Variants in PDE10A observed in about 807,000 individuals in gnomAD.
PDE10A encodes phosphodiesterase 10A.
PDE10A carries 39 observed loss-of-function variants against 97.7 expected under a neutral mutation model. That is an observed-to-expected ratio of 0.40 (90% CI 0.31 to 0.52). PDE10A has a LOEUF of 0.52. PDE10A is among the 20% of genes least tolerant of loss of function. The probability of loss-of-function intolerance (pLI) is 0.56; values close to 1 mark genes in which losing one functional copy is unlikely to be tolerated. For missense variants in PDE10A, 731 were observed against 1,047.8 expected (o/e 0.70, Z 4.17); for synonymous variants, 371 against 376.8 (o/e 0.98, Z 0.18).
chr6:165,592,113 T>C (rs1411913270), intron 1 of PDE10A, among the ~76,000 whole-genome samples: 1 of 152,128 alleles, frequency 6.6e-6, no homozygotes, highest in Non-Finnish European at 1.5e-5. Context: ...CAGATATATA[T>C]AGACCAATGG....
chr6:165,366,958 A>G (rs901601548), intron 18 of PDE10A, among the ~76,000 whole-genome samples: 1 of 152,164 alleles, frequency 6.6e-6, no homozygotes, highest in Non-Finnish European at 1.5e-5. Context: ...TACAAATATA[A>G]AAAAATTACT....
intron 10 of PDE10A, among the ~76,000 whole-genome samples, chr6:165,419,395 C>G (rs1364468460): frequency 6.6e-6 from 1 of 152,114 alleles, no homozygotes. Context: ...AATTGATTTG[C>G]CTGCTCCTCA....
At chr6:165,918,301 A>G (rs1042605446) in intron 1 of PDE10A, among the ~76,000 whole-genome samples, 1 of 152,204 alleles carries the variant, frequency 6.6e-6, no homozygotes, top group Non-Finnish European at 1.5e-5. Flanking sequence ...TGAAACTATC[A>G]ACAGTATTTG....
intron 1 of PDE10A, among the ~76,000 whole-genome samples, chr6:165,648,366 C>G (rs1789513685): frequency 6.6e-6 from 1 of 151,296 alleles, no homozygotes; most frequent in East Asian, 1.9e-4. Flanking sequence ...ACTGAGAAGT[C>G]ATAAAGCACA....
chr6:165,849,230 TA>T (rs11348642), intron 1 of PDE10A, among the ~76,000 whole-genome samples: 86,744 of 152,042 alleles, frequency 0.57, 24,961 homozygotes, highest in Admixed American at 0.67. Flanking sequence ...GACATTTTAT[TA>T]AAAAGATAAC....
chr6:165,749,462 ATCAACAACAC>A (rs1792943901), intron 1 of PDE10A, among the ~76,000 whole-genome samples: 1 of 138,522 alleles, frequency 7.2e-6, no homozygotes, highest in Non-Finnish European at 1.6e-5. Context: ...CATCACCATC[ATCAACAACAC>A]CATCAACACC....
At chr6:165,771,654 T>TAA (rs35902541) in intron 1 of PDE10A, among the ~76,000 whole-genome samples, 88 of 106,314 alleles carry the variant, frequency 8.3e-4, no homozygotes, top group Middle Eastern at 5.1e-3. Flanking sequence ...TTTAACAAGA[T>TAA]AAAAAAAAAA....
intron 1 of PDE10A, among the ~76,000 whole-genome samples, chr6:165,684,591 G>A (rs945898048): frequency 3.3e-5 from 5 of 152,308 alleles, no homozygotes; most frequent in Admixed American, 6.5e-5. Flanking sequence ...CACGGTGGCC[G>A]AGGCGCTGAG....
At chr6:165,415,087 A>C (rs1025324248) in intron 12 of PDE10A, among the ~76,000 whole-genome samples, 2 of 152,320 alleles carry the variant, frequency 1.3e-5, no homozygotes, top group Non-Finnish European at 1.5e-5. Context: ...CATGTTTTAC[A>C]AATATTTTCT....
intron 1 of PDE10A, among the ~76,000 whole-genome samples, chr6:165,846,498 G>A (rs1363977667): frequency 6.6e-6 from 1 of 152,262 alleles, no homozygotes. Flanking sequence ...CAGGGGCCAA[G>A]AAGGATGTTA....
chr6:165,979,232 A>G (rs1434770442), intron 1 of PDE10A, among the ~76,000 whole-genome samples: 1 of 152,120 alleles, frequency 6.6e-6, no homozygotes, highest in Non-Finnish European at 1.5e-5. Flanking sequence ...ATTGGCCAAG[A>G]CTTGTGTGGG....
At position 165,662,430 on chromosome 6, in the gene PDE10A, A is replaced by AGGGAGGGGGC. The variant is rs1390094412; in HGVS notation, c.372_381dup (p.Ser128AlafsTer56). The stretch of plus-strand genomic sequence containing the variant: ...AAGGCAGATGAGGAGGGGAGAAAAG[A>AGGGAGGGGGC]GGGAGGGGGCGGGGGGGGCGGCGGC... On this transcript the variant is annotated frameshift_variant, in exon 1 of 22. Transcript: ENST00000539869. LOFTEE classifies it high-confidence loss of function. 1 of 130,664 alleles carries AGGGAGGGGGC rather than the reference A, an allele frequency of 7.7e-6. No homozygotes were observed. Among genetic ancestry groups the AGGGAGGGGGC allele is most frequent in the East Asian group, 2.7e-4 (1 of 3,638 alleles). 8.1% of individuals were successfully genotyped at this position (130,664 alleles called of 1,614,324 possible). A position where few individuals can be genotyped will look rare whatever the true frequency, so the allele number is the denominator to read the frequency against.
At chr6:165,574,790 A>G (rs1785221661) in intron 1 of PDE10A, among the ~76,000 whole-genome samples, 1 of 152,234 alleles carries the variant, frequency 6.6e-6, no homozygotes, top group African/African-American at 2.4e-5. Flanking sequence ...CTGGTCATAC[A>G]GCTAATAAAA....
chr6:165,752,068 G>A (rs551669502), intron 1 of PDE10A, among the ~76,000 whole-genome samples: 8 of 144,668 alleles, frequency 5.5e-5, no homozygotes, highest in African/African-American at 1.0e-4. Context: ...ATGTGAACCC[G>A]GGAGCCGGAG....
At chr6:165,536,132 G>A (rs547948632) in intron 2 of PDE10A, among the ~76,000 whole-genome samples, 3 of 152,028 alleles carry the variant, frequency 2.0e-5, no homozygotes, top group East Asian at 3.9e-4. Context: ...TAGACCAAGA[G>A]AACAGAACAC....
chr6:165,962,463 G>T (rs186137039), intron 1 of PDE10A, among the ~76,000 whole-genome samples: 8 of 152,322 alleles, frequency 5.3e-5, no homozygotes, highest in Admixed American at 3.3e-4. Flanking sequence ...ATTCAGCTTC[G>T]CTCGGCTGCA....
chr6:165,530,997 C>A (rs141156116), intron 2 of PDE10A, among the ~76,000 whole-genome samples: 22 of 152,212 alleles, frequency 1.4e-4, no homozygotes, highest in African/African-American at 4.8e-4. Flanking sequence ...CATGACAGAT[C>A]CTTGACCACT....
intron 1 of PDE10A, among the ~76,000 whole-genome samples, chr6:165,865,442 C>T (rs940683743): frequency 2.0e-5 from 3 of 151,620 alleles, no homozygotes; most frequent in Non-Finnish European, 4.4e-5. Flanking sequence ...AGTAACAGAG[C>T]CCAAAGAAAA....
At chr6:165,618,116 C>T (rs12196646) in intron 1 of PDE10A, among the ~76,000 whole-genome samples, 15,926 of 152,074 alleles carry the variant, frequency 0.1, 925 homozygotes, top group Non-Finnish European at 0.13. Flanking sequence ...GGTCATTAAA[C>T]GAAATCTATA....
Sources: gnomAD v4.1 joint callset for allele counts (sites outside exome capture counted in the v4.1 genomes callset) on GRCh38, gnomAD v4.1.1 for gene constraint, MANE v1.5 for transcripts, NCBI Gene and HGNC (gene_info 2026-07-23, HGNC 2026-07-21) for gene names.